PTPRD: variants seen among roughly 807,000 people sequenced by gnomAD.
The protein encoded by PTPRD is protein tyrosine phosphatase receptor type D.
PTPRD carries 34 observed loss-of-function variants against 214.5 expected under a neutral mutation model. The ratio of observed to expected loss-of-function variants is 0.16; its 90% CI spans 0.12 to 0.21. The LOEUF (loss-of-function observed/expected upper bound fraction) is 0.21, where lower values mean the gene tolerates loss of function less well. PTPRD is among the 10% of genes least tolerant of loss of function. PTPRD has a pLI of 1.00. For synonymous variants in PTPRD, 1,128 were observed against 845.7 expected, an observed-to-expected ratio of 1.33 and a Z score of -5.79; for missense variants, 2,545 against 2,398.7, an observed-to-expected ratio of 1.06 and a Z score of -1.27.
chr9:9,299,734 A>G (rs1423223863), intron 9 of PTPRD, among the ~76,000 whole-genome samples: 1 of 151,394 alleles, frequency 6.6e-6, no homozygotes, highest in African/African-American at 2.4e-5. Flanking sequence ...TCTCCATTTT[A>G]TGTTTATAAA....
chr9:9,540,331 T>C (rs991283958), intron 8 of PTPRD, among the ~76,000 whole-genome samples: 1 of 151,814 alleles, frequency 6.6e-6, no homozygotes, highest in Non-Finnish European at 1.5e-5. Flanking sequence ...TAAAGAGACA[T>C]GATTTCTACC....
intron 11 of PTPRD, among the ~76,000 whole-genome samples, chr9:8,982,603 A>C (rs1251569360): frequency 1.3e-5 from 2 of 151,694 alleles, no homozygotes. Context: ...AAAAATAAAA[A>C]ACTCCACAAT....
chr9:8,727,732 T>A (rs2098600996), intron 12 of PTPRD, among the ~76,000 whole-genome samples: 1 of 152,116 alleles, frequency 6.6e-6, no homozygotes, highest in South Asian at 2.1e-4. Flanking sequence ...CCTAGGTCAC[T>A]ATGGCCTTAA....
At chr9:8,752,903 G>A (rs1431822711) in intron 11 of PTPRD, among the ~76,000 whole-genome samples, 1 of 152,180 alleles carries the variant, frequency 6.6e-6, no homozygotes, top group Non-Finnish European at 1.5e-5. Flanking sequence ...TTTAGGGATG[G>A]TTTGGTATAC....
chr9:9,557,784 G>T (rs2154289598), intron 8 of PTPRD, among the ~76,000 whole-genome samples: 1 of 152,266 alleles, frequency 6.6e-6, no homozygotes, highest in African/African-American at 2.4e-5. Context: ...TGTCCCATGT[G>T]TCAGGTCCTG....
At chr9:9,250,265 A>T (rs746033171) in intron 9 of PTPRD, among the ~76,000 whole-genome samples, 4 of 152,064 alleles carry the variant, frequency 2.6e-5, no homozygotes, top group Non-Finnish European at 4.4e-5. Context: ...TTCACCTATG[A>T]TGTACCAGTA....
intron 8 of PTPRD, among the ~76,000 whole-genome samples, chr9:9,529,859 T>C (rs373630764): frequency 2.0e-5 from 3 of 151,736 alleles, no homozygotes; most frequent in East Asian, 3.9e-4. Flanking sequence ...TATATATATT[T>C]AAATATATTT....
intron 24 of PTPRD, among the ~76,000 whole-genome samples, chr9:8,500,325 A>T (rs1452040411): frequency 6.6e-6 from 1 of 151,848 alleles, no homozygotes; most frequent in Non-Finnish European, 1.5e-5. Context: ...GATGCCAAAA[A>T]TTCAATGTTG....
Position 9,947,433 on chromosome 9 carries a change from A to ATTT in PTPRD, c.-471-8824_-471-8823insAAA, listed in dbSNP as rs2092807319. 2.5e-4 allele frequency among the ~76,000 whole-genome samples: 8 copies of ATTT among 31,438 alleles called. 1 individual carries two copies. Among genetic ancestry groups the ATTT allele is most frequent in the East Asian group, 0.013 (2 of 158 alleles). 20.6% of individuals were successfully genotyped at this position (31,438 alleles called of 152,430 possible). ...TATATTTTATATATATATTATATAT[A>ATTT]TATTATATATTTTATATATTTTTAT... On this transcript the variant is annotated intron_variant, in intron 4 of 45. Coordinates refer to ENST00000381196, the MANE Select transcript of PTPRD (RefSeq NM_002839.4).
At position 10,411,651 on chromosome 9, in the gene PTPRD, T is replaced by C. The variant is rs181696638; in HGVS notation, c.-599-70634A>G. Among the ~76,000 whole-genome samples the C allele has an allele frequency of 3.9e-5, 6 of 151,956 alleles. No homozygotes were observed. In the South Asian group the frequency reaches 8.3e-4, roughly 21 times the overall value. On this transcript the variant is annotated intron_variant, in intron 2 of 45. Transcript: ENST00000381196. ...CAAACAGGTAATAAACAAATTGCTG[T>C]AGTCATTTGCTATTTGATTTTTTTT...
intron 2 of PTPRD, among the ~76,000 whole-genome samples, chr9:10,464,336 T>A (rs1382023380): frequency 6.6e-6 from 1 of 151,802 alleles, no homozygotes; most frequent in East Asian, 1.9e-4. Flanking sequence ...GCCGAGGTCA[T>A]GTCACTGCAC....
chr9:10,145,248 T>G (rs1335895288), intron 3 of PTPRD, among the ~76,000 whole-genome samples: 1 of 152,020 alleles, frequency 6.6e-6, no homozygotes, highest in Non-Finnish European at 1.5e-5. Context: ...TTCAGGCAGA[T>G]TAAAATGAAT....
rs116901675 is a variant in PTPRD, at chr9:9,665,595, C to T, written c.-287+68938G>A. On this transcript the variant is annotated intron_variant, in intron 7 of 45. Coordinates refer to ENST00000381196, the MANE Select transcript of PTPRD (RefSeq NM_002839.4). Reference sequence around the variant, plus strand: ...AGAGTCCCCCAGTTACAGAATGGGACGAGGATTCAAATTTAGGTCTGTGGA... The same window carrying T: ...AGAGTCCCCCAGTTACAGAATGGGATGAGGATTCAAATTTAGGTCTGTGGA... Among the ~76,000 whole-genome samples the T allele has an allele frequency of 3.0e-3, 454 of 151,654 alleles. 8 individuals are homozygous for T. Among genetic ancestry groups the T allele is most frequent in the East Asian group, 2.9e-3 (15 of 5,156 alleles).
At chr9:9,742,098 A>G (rs1024272813) in intron 6 of PTPRD, among the ~76,000 whole-genome samples, 3 of 152,168 alleles carry the variant, frequency 2.0e-5, no homozygotes, top group African/African-American at 7.2e-5. Flanking sequence ...TCGCCATTCT[A>G]ACTAGTGTGA....
chr9:9,850,242 G>A (rs2060286317), intron 5 of PTPRD, among the ~76,000 whole-genome samples: 1 of 152,122 alleles, frequency 6.6e-6, no homozygotes, highest in Non-Finnish European at 1.5e-5. Context: ...GATGCTTTGT[G>A]GGTTTCAGAC....
intron 10 of PTPRD, among the ~76,000 whole-genome samples, chr9:9,041,461 C>T (rs1363708062): frequency 2.0e-5 from 3 of 152,034 alleles, no homozygotes; most frequent in African/African-American, 4.8e-5. Flanking sequence ...TAGGAACATG[C>T]GGTATTTGAT....
At chr9:8,756,468 C>A (rs2093995535) in intron 11 of PTPRD, among the ~76,000 whole-genome samples, 1 of 152,212 alleles carries the variant, frequency 6.6e-6, no homozygotes, top group African/African-American at 2.4e-5. Context: ...GCAAATCCAT[C>A]TGCAATTTCT....
intron 2 of PTPRD, among the ~76,000 whole-genome samples, chr9:10,545,886 G>C (rs745464854): frequency 6.6e-6 from 1 of 152,110 alleles, no homozygotes; most frequent in East Asian, 1.9e-4. Context: ...AGGCACAGCA[G>C]AAGCTCTTTG....
intron 12 of PTPRD, among the ~76,000 whole-genome samples, chr9:8,644,779 T>A (rs1186486301): frequency 6.6e-6 from 1 of 152,222 alleles, no homozygotes; most frequent in Non-Finnish European, 1.5e-5. Flanking sequence ...GACTGTGCAG[T>A]GACCAAACCC....
Sources: allele counts gnomAD v4.1 joint callset (sites outside exome capture counted in the v4.1 genomes callset), GRCh38; gene constraint gnomAD v4.1.1; transcripts MANE v1.5; gene names NCBI Gene and HGNC (gene_info 2026-07-23, HGNC 2026-07-21).